The following WFS1 variants were observed in gnomAD, a reference collection of about 807,000 sequenced individuals.
The protein encoded by WFS1 is wolframin ER transmembrane glycoprotein.
WFS1 carries 90 observed loss-of-function variants against 68.5 expected under a neutral mutation model. The ratio of observed to expected loss-of-function variants is 1.31; its 90% CI spans 1.11 to 1.56. The LOEUF is 1.56. WFS1 is among the 40% of genes most tolerant of loss of function. The pLI is 0.00. For missense variants in WFS1, 1,767 were observed against 1,232.6 expected, an observed-to-expected ratio of 1.43 and a Z score of -6.49; for synonymous variants, 860 against 540.7, an observed-to-expected ratio of 1.59 and a Z score of -8.19.
chr4:6,299,871 G>A (rs1730802776), intron 7 of WFS1, among the ~76,000 whole-genome samples: 1 of 136,702 alleles, frequency 7.3e-6, no homozygotes, highest in Non-Finnish European at 1.6e-5. Context: ...GTGTGTAGGG[G>A]TGGGCTGCAT....
chr4:6,287,149 G>T lies in WFS1; in HGVS notation c.289G>T (p.Ala97Ser), dbSNP rs1047188798. The change falls in exon 3 of 8, where the codon GCC (alanine) becomes TCC (serine). Residue 97 changes from alanine to serine, a missense_variant. Transcript: ENST00000226760. This position sits in a 1 kb window ranked among gnomAD's most constrained non-coding sequence, Gnocchi z 6.4. Reference sequence around the variant, plus strand: ...TGAAGAAGTCCTGGAGAGGGCCAAGGCCGGGGACCCCAAGGCACAGACTGA... The same window carrying T: ...TGAAGAAGTCCTGGAGAGGGCCAAGTCCGGGGACCCCAAGGCACAGACTGA... ...PFEEVLERAKAGDPKAQTEVG... is the reference protein window; with the variant it reads ...PFEEVLERAKSGDPKAQTEVG... 3 of 1,561,078 alleles carry T rather than the reference G, an allele frequency of 1.9e-6. No homozygotes were observed. The highest frequency in any genetic ancestry group is 2.7e-5 in the African/African-American group (2 of 74,156).
chr4:6,276,537 C>T (rs1729999362), intron 1 of WFS1, among the ~76,000 whole-genome samples: 1 of 152,154 alleles, frequency 6.6e-6, no homozygotes, highest in Non-Finnish European at 1.5e-5. Context: ...TGGCTTGGGC[C>T]TGGGGTGGGG....
Position 6,302,159 on chromosome 4 carries a change from C to G in WFS1, c.2364C>G (p.Asp788Glu), listed in dbSNP as rs144030395. Residue 788 changes from aspartate to glutamate, a missense_variant, in exon 8 of 8, where the codon GAC becomes GAG. Asp to Glu is a conservative substitution (Grantham distance 45, BLOSUM62 2). Transcript: ENST00000226760. ...GCATGCCATTCAGCAGCGGCGCTGA[C>G]GGCTCGCGCAGCCGCGAGGAGGACG... ...TVGMPFSSGA[D>E]GSRSREEDDV... 1 of 1,612,834 alleles carries G rather than the reference C, an allele frequency of 6.2e-7. No individual in the cohort carries two copies. The highest frequency in any genetic ancestry group is 8.5e-7 in the Non-Finnish European group (1 of 1,179,988).
At chr4:6,273,829 C>T (rs78400338) in intron 1 of WFS1, among the ~76,000 whole-genome samples, 1,680 of 152,324 alleles carry the variant, frequency 0.011, 34 homozygotes, top group African/African-American at 0.038. Context: ...CTTGGCCAAC[C>T]CCCAGGGAAC....
Position 6,302,588 on chromosome 4 carries a change from C to T in WFS1, c.*120C>T, listed in dbSNP as rs1730994585. 4.1e-6 allele frequency: 6 copies of T among 1,453,302 alleles called. No homozygotes were observed. Among genetic ancestry groups the T allele is most frequent in the Non-Finnish European group, 4.7e-6 (5 of 1,072,704 alleles). 90.0% of individuals were successfully genotyped at this position (1,453,302 alleles called of 1,614,324 possible). On this transcript the variant is annotated 3_prime_UTR_variant, in exon 8 of 8. Coordinates refer to ENST00000226760, the MANE Select transcript of WFS1 (RefSeq NM_006005.3). ...TGCCCACGTGTGCAGACTGTGGCTG[C>T]AGAGACCTTGCGACCATGTGTAGAT...
intron 2 of WFS1, among the ~76,000 whole-genome samples, chr4:6,280,881 G>A (rs919569054): frequency 6.6e-6 from 1 of 151,896 alleles, no homozygotes; most frequent in South Asian, 2.1e-4. Context: ...GGAGCTTTCC[G>A]AGTCGTACCC....
At chr4:6,280,543 T>C (rs1431968932) in intron 2 of WFS1, among the ~76,000 whole-genome samples, 1 of 152,098 alleles carries the variant, frequency 6.6e-6, no homozygotes, top group Non-Finnish European at 1.5e-5. Context: ...AGAGAGCCTG[T>C]TCTGGGCCTG....
At position 6,302,114 on chromosome 4, in the gene WFS1, C is replaced by T. The variant is rs1245111541; in HGVS notation, c.2319C>T (p.Tyr773=). The change falls in exon 8 of 8, where the codon TAC becomes TAT. Residue 773 remains tyrosine, a synonymous_variant. Coordinates refer to ENST00000226760, the MANE Select transcript of WFS1 (RefSeq NM_006005.3). The part of the protein sequence containing the change: ...HPCHIKKFDR[Y]KFEITVGMPF... ...GCCACATCAAGAAGTTCGACCGCTACAAGTTTGAGATTACCGTGGGCATGC... is the reference window on the plus strand; with the variant it reads ...GCCACATCAAGAAGTTCGACCGCTATAAGTTTGAGATTACCGTGGGCATGC... The T allele has an allele frequency of 1.9e-6, 3 of 1,612,946 alleles. No individual in the cohort carries two copies. Among genetic ancestry groups the T allele is most frequent in the South Asian group, 1.1e-5 (1 of 91,090 alleles).
Position 6,302,449 on chromosome 4 carries a change from C to T in WFS1, c.2654C>T (p.Pro885Leu), listed in dbSNP as rs372855769. Residue 885 changes from proline to leucine, a missense_variant, in exon 8 of 8, where the codon CCA becomes CTA. Coordinates refer to ENST00000226760, the MANE Select transcript of WFS1 (RefSeq NM_006005.3). ...VKFAFDFFFF[P>L]FLSAA ...TTCGCCTTCGACTTCTTTTTCTTCC[C>T]ATTCCTGTCGGCGGCCTGAGGATGG... 106 of 1,612,958 alleles carry T rather than the reference C, an allele frequency of 6.6e-5. No homozygotes were observed. Among genetic ancestry groups the T allele is most frequent in the Non-Finnish European group, 8.6e-5 (102 of 1,180,050 alleles).
Position 6,302,621 on chromosome 4 carries a change from A to G in WFS1, c.*153A>G. Reference sequence around the variant, plus strand: ...TTGCGACCATGTGTAGATTGCGTGGACCCCGACAAAGGGAAGGCTGCTGTG... The same window carrying G: ...TTGCGACCATGTGTAGATTGCGTGGGCCCCGACAAAGGGAAGGCTGCTGTG... On this transcript the variant is annotated 3_prime_UTR_variant, in exon 8 of 8. Transcript: ENST00000226760. 9.4e-7 allele frequency: 1 copy of G among 1,069,004 alleles called. No homozygotes were observed. The highest frequency in any genetic ancestry group is 1.3e-6 in the Non-Finnish European group (1 of 749,806). The allele number at this position is 1,069,004 out of a possible 1,614,324, so 66.2% of individuals were successfully genotyped here. A position where few individuals can be genotyped will look rare whatever the true frequency, so the allele number is the denominator to read the frequency against.
intron 7 of WFS1, among the ~76,000 whole-genome samples, chr4:6,299,865 G>GTGAATGTGTGTGTA (rs1730802154): frequency 5.2e-5 from 7 of 135,126 alleles, no homozygotes; most frequent in African/African-American, 2.0e-4. Context: ...ATGCGTGTGT[G>GTGAATGTGTGTGTA]TAGGGGTGGG....
At chr4:6,275,888 G>T (rs939189065) in intron 1 of WFS1, among the ~76,000 whole-genome samples, 1 of 152,176 alleles carries the variant, frequency 6.6e-6, no homozygotes, top group Non-Finnish European at 1.5e-5. Flanking sequence ...TTCAGAGGTG[G>T]CCAGGGGACT....
chr4:6,278,707 C>T (rs374924207), intron 2 of WFS1, among the ~76,000 whole-genome samples: 1 of 152,224 alleles, frequency 6.6e-6, no homozygotes, highest in Non-Finnish European at 1.5e-5. Flanking sequence ...CTCCCATGTA[C>T]CACTTATGCT....
chr4:6,295,321 C>T, intron 7 of WFS1, 132 bp downstream of exon 7: 1 of 1,106,920 alleles, frequency 9.0e-7, no homozygotes, highest in South Asian at 1.3e-5. Flanking sequence ...AGCCGTGCCG[C>T]TGGTACCTTT....
At chr4:6,280,929 C>T (rs1323416508) in intron 2 of WFS1, among the ~76,000 whole-genome samples, 3 of 152,204 alleles carry the variant, frequency 2.0e-5, no homozygotes, top group Admixed American at 2.0e-4. Flanking sequence ...CTCATCTCTA[C>T]AAGTCTCTAC....
rs773016500 is a variant in WFS1, at chr4:6,295,101, T to TC, written c.774dup (p.Ile259HisfsTer13). The TC allele has an allele frequency of 6.2e-7, 1 of 1,613,476 alleles. No homozygotes were observed. Among genetic ancestry groups the TC allele is most frequent in the Non-Finnish European group, 8.5e-7 (1 of 1,180,036 alleles). ...ATCACTAAGAAGTACGCCAAGGGCG[T>TC]CATCCCCAGCAGCCTGTTCCTGCAG... is the stretch of plus-strand genomic sequence containing the variant. On this transcript the variant is annotated frameshift_variant, in exon 7 of 8. Transcript: ENST00000226760. LOFTEE classifies it high-confidence loss of function.
In WFS1 at chr4:6,301,774, A is replaced by G; in HGVS notation, c.1979A>G (p.Tyr660Cys). ...TACCGCTCAGAGGGCATGAAGGTCT[A>G]CAACTCCACACTGACCTGGCAGCAG... ...YVYRSEGMKV[Y>C]NSTLTWQQYG... The change falls in exon 8 of 8, where the codon TAC becomes TGC. Residue 660 changes from tyrosine to cysteine, a missense_variant. By Grantham distance (194) the Tyr-to-Cys change is radical. Transcript: ENST00000226760. The G allele has an allele frequency of 1.2e-6, 2 of 1,613,556 alleles. No homozygotes were observed. Among genetic ancestry groups the G allele is most frequent in the East Asian group, 2.2e-5 (1 of 44,876 alleles).
chr4:6,283,279 C>T lies in WFS1; in HGVS notation c.233-3814C>T, dbSNP rs1040100998. Among the ~76,000 whole-genome samples, 2 of 152,230 alleles carry T rather than the reference C, an allele frequency of 1.3e-5. No homozygotes were observed. The highest frequency in any genetic ancestry group is 4.8e-5 in the African/African-American group (2 of 41,456). ...AAGGAGACCTGCCCATGGTATCCAG[C>T]TCTGATCACACTGCTATTTTGTGAT... On this transcript the variant is annotated intron_variant, in intron 2 of 7. Transcript: ENST00000226760. This position sits in a 1 kb window ranked among gnomAD's most constrained non-coding sequence, Gnocchi z 5.0.
In WFS1 at chr4:6,288,876, C is replaced by T. The variant is rs1730384539; in HGVS notation, c.316-111C>T. 7 of 1,510,796 alleles carry T rather than the reference C, an allele frequency of 4.6e-6. No individual in the cohort carries two copies. In the Admixed American group the frequency reaches 9.8e-5, roughly 21 times the overall value. 93.6% of individuals were successfully genotyped at this position (1,510,796 alleles called of 1,614,324 possible). On this transcript the variant is annotated intron_variant, in intron 3 of 7. Coordinates refer to ENST00000226760, the MANE Select transcript of WFS1 (RefSeq NM_006005.3). ...GGTGTGACCCCATTTCTGCCCCTTC[C>T]TTCCTGGCCTGGGTGACAAAGGGAA...
Sources: gnomAD v4.1 joint callset for allele counts (sites outside exome capture counted in the v4.1 genomes callset) on GRCh38, gnomAD v4.1.1 for gene constraint, Gnocchi (gnomAD v3.1) non-coding constraint, MANE v1.5 for transcripts, NCBI Gene and HGNC (gene_info 2026-07-23, HGNC 2026-07-21) for gene names.